The following ARHGAP15 variants were observed in gnomAD, a reference collection of about 807,000 sequenced individuals.
ARHGAP15 encodes rho GTPase-activating protein 15.
ARHGAP15 carries 51 observed loss-of-function variants against 63.7 expected under a neutral mutation model. The observed-to-expected ratio is 0.80, with a 90% CI of 0.64 to 1.01. The LOEUF is 1.01. Among genes scored for constraint, ARHGAP15 ranks in the 50% least tolerant of loss-of-function variants. The pLI is 0.00. For synonymous variants in ARHGAP15, 191 were observed against 193.8 expected (o/e 0.99, Z 0.12); for missense variants, 560 against 564.6 (o/e 0.99, Z 0.08).
chr2:143,437,767 T>G lies in ARHGAP15; in HGVS notation c.703+725T>G, dbSNP rs560097413. Among the ~76,000 whole-genome samples the G allele has an allele frequency of 9.2e-5, 14 of 152,270 alleles. No homozygotes were observed. In the South Asian group the frequency reaches 2.1e-3, roughly 23 times the overall value. On this transcript the variant is annotated intron_variant, in intron 8 of 13. Transcript: ENST00000295095. ...CTGGCTGGGCGAGGTAGCTCACGCC[T>G]GTAATCCCAGCACTTTGGGAGGCTG...
intron 10 of ARHGAP15, among the ~76,000 whole-genome samples, chr2:143,537,021 C>G (rs1471797820): frequency 1.3e-5 from 2 of 151,914 alleles, no homozygotes; most frequent in Non-Finnish European, 2.9e-5. Context: ...TTCTCCACAT[C>G]CTCTCCAGCA....
intron 12 of ARHGAP15, among the ~76,000 whole-genome samples, chr2:143,675,049 T>C (rs1682757325): frequency 6.6e-6 from 1 of 152,256 alleles, no homozygotes; most frequent in South Asian, 2.1e-4. Flanking sequence ...GTCAATCCTC[T>C]CAAACTCTGC....
At chr2:143,542,824 AT>A (rs1357863638) in intron 10 of ARHGAP15, among the ~76,000 whole-genome samples, 2 of 121,080 alleles carry the variant, frequency 1.7e-5, no homozygotes, top group Admixed American at 9.5e-5. Flanking sequence ...GATATATATA[AT>A]ATCACATATA....
At chr2:143,730,918 AGGG>A (rs1685500335) in intron 13 of ARHGAP15, among the ~76,000 whole-genome samples, 1 of 124,416 alleles carries the variant, frequency 8.0e-6, no homozygotes, top group Admixed American at 9.8e-5. Context: ...AAAAAAAAAA[AGGG>A]AAAAAGGCTT....
intron 6 of ARHGAP15, among the ~76,000 whole-genome samples, chr2:143,366,524 T>G (rs1007156037): frequency 6.6e-6 from 1 of 152,082 alleles, no homozygotes; most frequent in Admixed American, 6.6e-5. Flanking sequence ...AATATTTTGC[T>G]CCTAGGTCAA....
chr2:143,392,217 C>T (rs1027021734), intron 6 of ARHGAP15, among the ~76,000 whole-genome samples: 7 of 152,066 alleles, frequency 4.6e-5, no homozygotes, highest in South Asian at 2.1e-4. Context: ...TTATTCTCTG[C>T]AATGGCATGG....
At chr2:143,755,284 G>A (rs1256167133) in intron 13 of ARHGAP15, among the ~76,000 whole-genome samples, 1 of 147,424 alleles carries the variant, frequency 6.8e-6, no homozygotes, top group Non-Finnish European at 1.5e-5. Flanking sequence ...TGGGGGGGGG[G>A]GATCTATACC....
chr2:143,453,966 G>C (rs960385372), intron 8 of ARHGAP15, among the ~76,000 whole-genome samples: 1 of 151,966 alleles, frequency 6.6e-6, no homozygotes, highest in Non-Finnish European at 1.5e-5. Flanking sequence ...TTAAACTTTG[G>C]CAATAGAATG....
chr2:143,420,525 A>C (rs1436348132), intron 6 of ARHGAP15, among the ~76,000 whole-genome samples: 1 of 152,166 alleles, frequency 6.6e-6, no homozygotes, highest in Non-Finnish European at 1.5e-5. Context: ...TTGGTGCAGG[A>C]AGGATGAGTA....
intron 13 of ARHGAP15, among the ~76,000 whole-genome samples, chr2:143,732,412 T>C (rs1352918206): frequency 1.3e-5 from 2 of 152,236 alleles, no homozygotes; most frequent in East Asian, 3.8e-4. Flanking sequence ...TTATATTGAA[T>C]GCATTTTTAA....
At chr2:143,217,779 A>G (rs1692815345) in intron 4 of ARHGAP15, among the ~76,000 whole-genome samples, 1 of 152,180 alleles carries the variant, frequency 6.6e-6, no homozygotes, top group South Asian at 2.1e-4. Flanking sequence ...TTCTTCCCTC[A>G]GCAGCCATGT....
intron 6 of ARHGAP15, among the ~76,000 whole-genome samples, chr2:143,324,667 G>A (rs189514188): frequency 6.6e-6 from 1 of 152,252 alleles, no homozygotes; most frequent in Admixed American, 6.5e-5. Context: ...ATGCTGGTCC[G>A]TTGTGTAAAT....
At chr2:143,216,259 T>A in intron 3 of ARHGAP15, 125 bp from the exon 4 acceptor site, 1 of 669,586 alleles carries the variant, frequency 1.5e-6, no homozygotes, top group Non-Finnish European at 2.6e-6. Flanking sequence ...TATATATGCA[T>A]TATTAATAAA....
chr2:143,175,242 A>G (rs1344069350), intron 2 of ARHGAP15, among the ~76,000 whole-genome samples: 1 of 152,154 alleles, frequency 6.6e-6, no homozygotes, highest in Non-Finnish European at 1.5e-5. Context: ...AGTGAAAGAA[A>G]TGAGGAAGAG....
At chr2:143,173,705 G>A (rs574857678) in intron 2 of ARHGAP15, among the ~76,000 whole-genome samples, 1 of 152,052 alleles carries the variant, frequency 6.6e-6, no homozygotes, top group South Asian at 2.1e-4. Context: ...AGGATAAAAT[G>A]ATAAGCTCTA....
intron 12 of ARHGAP15, among the ~76,000 whole-genome samples, chr2:143,673,784 A>ATATAT (rs71404481): frequency 3.0e-4 from 34 of 114,142 alleles, no homozygotes; most frequent in South Asian, 6.3e-4. Context: ...ATATATATAT[A>ATATAT]AACAACTCCT....
At chr2:143,294,032 T>C (rs1355649881) in intron 6 of ARHGAP15, among the ~76,000 whole-genome samples, 1 of 152,062 alleles carries the variant, frequency 6.6e-6, no homozygotes, top group Non-Finnish European at 1.5e-5. Flanking sequence ...TACTTAAAAC[T>C]CTTCTGGTAT....
intron 2 of ARHGAP15, among the ~76,000 whole-genome samples, chr2:143,160,106 G>A (rs1690231588): frequency 6.6e-6 from 1 of 151,808 alleles, no homozygotes; most frequent in African/African-American, 2.4e-5. Flanking sequence ...TGACTTCCCT[G>A]ATAGAATTTG....
intron 11 of ARHGAP15, among the ~76,000 whole-genome samples, chr2:143,623,560 A>G (rs1329195134): frequency 3.3e-5 from 5 of 152,244 alleles, no homozygotes; most frequent in African/African-American, 1.2e-4. Context: ...TGAAGCAGTA[A>G]GAAAAGAATT....
Sources: gnomAD v4.1 joint callset for allele counts (sites outside exome capture counted in the v4.1 genomes callset) on GRCh38, gnomAD v4.1.1 for gene constraint, MANE v1.5 for transcripts, NCBI Gene and HGNC (gene_info 2026-07-23, HGNC 2026-07-21) for gene names.